Variants in BCL7B observed in about 807,000 individuals in gnomAD.
BCL7B encodes BAF chromatin remodeling complex subunit BCL7B, also known as B-cell CLL/lymphoma 7 protein family member B.
In BCL7B, 11 loss-of-function variants were observed where a neutral mutation model predicts 26.5. The observed-to-expected ratio is 0.42, with a 90% CI of 0.26 to 0.69. BCL7B has a LOEUF of 0.69. Among genes scored for constraint, BCL7B ranks in the 30% least tolerant of loss-of-function variants. The pLI is 0.28. For synonymous variants in BCL7B, 111 were observed against 107.9 expected, an observed-to-expected ratio of 1.03 and a Z score of -0.18; for missense variants, 215 against 264.4, an observed-to-expected ratio of 0.81 and a Z score of 1.30.
At chr7:73,543,425 G>C in intron 3 of BCL7B, 123 bp downstream of exon 3, 1 of 839,464 alleles carries the variant, frequency 1.2e-6, no homozygotes, top group East Asian at 2.6e-5. Context: ...TGATCTGCCC[G>C]CCTCAGACTC....
At chr7:73,556,200 TAAAA>T (rs1350473781) in intron 1 of BCL7B, among the ~76,000 whole-genome samples, 1 of 152,200 alleles carries the variant, frequency 6.6e-6, no homozygotes, top group East Asian at 1.9e-4. Context: ...CCCTCAGACA[TAAAA>T]AAGAGAAGGA....
intron 2 of BCL7B, among the ~76,000 whole-genome samples, chr7:73,545,959 G>A (rs1332484434): frequency 2.0e-5 from 3 of 151,834 alleles, no homozygotes; most frequent in Non-Finnish European, 2.9e-5. Context: ...GTTTTCACCC[G>A]CCTCCACTAA....
At chr7:73,543,716 G>A in intron 2 of BCL7B, 72 bp from the exon 3 acceptor site, 1 of 1,227,828 alleles carries the variant, frequency 8.1e-7, no homozygotes, top group Admixed American at 1.7e-5. Context: ...AGGGTGCTAT[G>A]TGACAGACCA....
rs781913541 is a variant in BCL7B, at chr7:73,540,013, T to G, written c.305A>C (p.Gln102Pro). The G allele has an allele frequency of 6.2e-7, 1 of 1,614,018 alleles. No homozygotes were observed. ...SNQSSVSDVY[Q>P]LKVDSSTNSS... is the part of the protein sequence containing the mutation. ...GTTGGTGCTGCTGTCCACCTTAAGCTGATAGACGTCAGACACGGAACTCTG... is the reference window on the plus strand; with the variant it reads ...GTTGGTGCTGCTGTCCACCTTAAGCGGATAGACGTCAGACACGGAACTCTG... Residue 102 changes from glutamine to proline, a missense_variant, in exon 4 of 6, where the codon CAG (glutamine) becomes CCG (proline). Transcript: ENST00000223368.
At position 73,557,511 on chromosome 7, in the gene BCL7B, G is replaced by T; in HGVS notation, c.68C>A (p.Ala23Glu). ...CCATTTCCGCACTTTCTCGATGGCCGCCATCACCTTCTTGATGTCGTCCTT... is the reference window on the plus strand; with the variant it reads ...CCATTTCCGCACTTTCTCGATGGCCTCCATCACCTTCTTGATGTCGTCCTT... ...RAKDDIKKVM[A>E]AIEKVRKWEK... Residue 23 changes from alanine (A) to glutamate (E), a missense_variant, in exon 1 of 6, where the codon GCG (alanine) becomes GAG (glutamate). Coordinates refer to ENST00000223368, the MANE Select transcript of BCL7B (RefSeq NM_001707.4). 6.9e-7 allele frequency: 1 copy of T among 1,448,858 alleles called. No individual in the cohort carries two copies. The highest frequency in any genetic ancestry group is 9.2e-7 in the Non-Finnish European group (1 of 1,090,486). 89.8% of individuals were successfully genotyped at this position (1,448,858 alleles called of 1,614,324 possible).
intron 4 of BCL7B, 132 bp from the exon 5 acceptor site, chr7:73,538,145 T>C (rs1791614006): frequency 2.0e-6 from 1 of 505,032 alleles, no homozygotes; most frequent in Non-Finnish European, 3.5e-6. Flanking sequence ...AAACATTCAT[T>C]CAGGGCCCAG....
chr7:73,557,649 GCCGC>G lies in BCL7B; in HGVS notation c.-75_-72del, dbSNP rs1353164129. On this transcript the variant is annotated 5_prime_UTR_variant, in exon 1 of 6. Coordinates refer to ENST00000223368, the MANE Select transcript of BCL7B (RefSeq NM_001707.4). Reference sequence around the variant, plus strand: ...CCGGGGATCGCGCGCCTCACGCGCCGCCGCCCGCCCGCCGCCGCCGCAGCGTCAC... The same window carrying G: ...CCGGGGATCGCGCGCCTCACGCGCCGCCGCCCGCCGCCGCCGCAGCGTCAC... 2 of 953,726 alleles carry G rather than the reference GCCGC, an allele frequency of 2.1e-6. No homozygotes were observed. The highest frequency in any genetic ancestry group is 1.3e-6 in the Non-Finnish European group (1 of 763,210). 59.1% of individuals were successfully genotyped at this position (953,726 alleles called of 1,614,324 possible).
rs186153727 is a variant in BCL7B at position 73,538,830 on chromosome 7, A to G, written c.437-817T>C. Among the ~76,000 whole-genome samples, 730 of 151,740 alleles carry G rather than the reference A, an allele frequency of 4.8e-3. 9 individuals carry two copies. The highest frequency in any genetic ancestry group is 0.017 in the African/African-American group (697 of 41,470). On this transcript the variant is annotated intron_variant, in intron 4 of 5. Transcript: ENST00000223368. ...CCTATCTCTTTAAAAAAAAAAAAAAAAAAAAAAAGAAAAGAAAAAAATTTA... is the reference window on the plus strand; with the variant it reads ...CCTATCTCTTTAAAAAAAAAAAAAAGAAAAAAAAGAAAAGAAAAAAATTTA...
intron 3 of BCL7B, chr7:73,540,534 G>A (rs1040348390): frequency 1.9e-5 from 3 of 161,126 alleles, no homozygotes; most frequent in African/African-American, 7.2e-5. Flanking sequence ...CAAAACTTAA[G>A]AGTTACCAGG....
chr7:73,548,093 C>CAAGAGA (rs1554583637), intron 2 of BCL7B, among the ~76,000 whole-genome samples: 1 of 151,596 alleles, frequency 6.6e-6, no homozygotes, highest in African/African-American at 2.4e-5. Flanking sequence ...ACTCCAGCCT[C>CAAGAGA]AGAGTGACAC....
intron 3 of BCL7B, among the ~76,000 whole-genome samples, chr7:73,541,807 C>T (rs1203535403): frequency 6.6e-6 from 1 of 152,152 alleles, no homozygotes; most frequent in Non-Finnish European, 1.5e-5. Context: ...CTGGCCTTAT[C>T]GCAACATAGG....
At chr7:73,540,887 C>T (rs1375980169) in intron 3 of BCL7B, among the ~76,000 whole-genome samples, 4 of 149,282 alleles carry the variant, frequency 2.7e-5, no homozygotes, top group Admixed American at 2.0e-4. Flanking sequence ...TGGCTCACGC[C>T]TGTAATCCCA....
Position 73,552,187 on chromosome 7 carries a change from G to A in BCL7B, c.148C>T (p.Pro50Ser), listed in dbSNP as rs781990033. Residue 50 changes from proline (P) to serine (S), a missense_variant, in exon 2 of 6, where the codon CCT becomes TCT. Pro to Ser is a moderately conservative substitution (Grantham distance 74). Transcript: ENST00000223368. ...DTSLRIFKWV[P>S]VTDSKEKEKS... ...CTTACCTCCTTGCTGTCTGTCACAG[G>A]AACCCACTTAAATATCCTCAGGGAC... 1.9e-6 allele frequency: 3 copies of A among 1,610,046 alleles called. No homozygotes were observed. Among genetic ancestry groups the A allele is most frequent in the Non-Finnish European group, 1.7e-6 (2 of 1,178,902 alleles).
At chr7:73,557,130 A>G in intron 1 of BCL7B, 1 of 1,000,460 alleles carries the variant, frequency 1.0e-6, no homozygotes, top group Non-Finnish European at 1.2e-6. Flanking sequence ...GGAAGCCTGG[A>G]AACGCAGGCG....
intron 4 of BCL7B, among the ~76,000 whole-genome samples, chr7:73,539,471 T>G (rs1192358504): frequency 6.7e-6 from 1 of 150,278 alleles, no homozygotes; most frequent in Non-Finnish European, 1.5e-5. Context: ...AGGCTGGTCT[T>G]GAACTCCTGG....
chr7:73,539,989 T>C lies in BCL7B; in HGVS notation c.329A>G (p.Asn110Ser), dbSNP rs1554582633. 6.2e-7 allele frequency: 1 copy of C among 1,613,880 alleles called. No individual in the cohort carries two copies. The highest frequency in any genetic ancestry group is 1.1e-5 in the South Asian group (1 of 91,076). Reference protein sequence around the residue: ...VYQLKVDSSTNSSPSPQQSES... With the variant: ...VYQLKVDSSTSSSPSPQQSES... ...ACTCTGCTGGGGGCTGGGGCTTGAG[T>C]TGGTGCTGCTGTCCACCTTAAGCTG... Residue 110 changes from asparagine (N) to serine (S), a missense_variant, in exon 4 of 6, where the codon AAC (asparagine) becomes AGC (serine). Coordinates refer to ENST00000223368, the MANE Select transcript of BCL7B (RefSeq NM_001707.4).
intron 4 of BCL7B, chr7:73,538,254 C>A: frequency 2.8e-6 from 1 of 359,650 alleles, no homozygotes; most frequent in Non-Finnish European, 5.0e-6. Flanking sequence ...ACCGACAAAG[C>A]AGCTCATCTT....
chr7:73,544,255 T>G lies in BCL7B; in HGVS notation c.169-611A>C, dbSNP rs113885479. Among the ~76,000 whole-genome samples, 1,059 of 152,066 alleles carry G rather than the reference T, an allele frequency of 7.0e-3. 8 individuals are homozygous for G. The highest frequency in any genetic ancestry group is 0.012 in the Non-Finnish European group (793 of 68,010). ...GGCCAACATTGTGAAACCCTATCTC[T>G]ACTAAAAATACAAAAATCAGCCGAG... is the stretch of plus-strand genomic sequence containing the variant. On this transcript the variant is annotated intron_variant, in intron 2 of 5. Coordinates refer to ENST00000223368, the MANE Select transcript of BCL7B (RefSeq NM_001707.4).
At chr7:73,557,069 G>C in intron 1 of BCL7B, 1 of 988,448 alleles carries the variant, frequency 1.0e-6, no homozygotes, top group Non-Finnish European at 1.2e-6. Flanking sequence ...TACGCAGAGC[G>C]CTCAGCCTGG....
Sources: allele counts gnomAD v4.1 joint callset (sites outside exome capture counted in the v4.1 genomes callset), GRCh38; gene constraint gnomAD v4.1.1; transcripts MANE v1.5; gene names NCBI Gene and HGNC (gene_info 2026-07-23, HGNC 2026-07-21).